Variants in DOLPP1 observed in about 807,000 individuals in gnomAD.
DOLPP1 encodes the protein dolichyl pyrophosphate phosphatase 1.
DOLPP1 carries 15 observed loss-of-function variants against 34.1 expected under a neutral mutation model. That is an observed-to-expected ratio of 0.44 (90% CI 0.29 to 0.68). The LOEUF is 0.68. DOLPP1 is among the 30% of genes least tolerant of loss of function. DOLPP1 has a pLI of 0.12. For missense variants in DOLPP1, 249 were observed against 307.1 expected (o/e 0.81, Z 1.41); for synonymous variants, 130 against 128.2 (o/e 1.01, Z -0.10).
In DOLPP1 at chr9:129,085,134, G is replaced by T; in HGVS notation, c.262+27G>T. On this transcript the variant is annotated intron_variant, in intron 3 of 7. Coordinates refer to ENST00000372546, the MANE Select transcript of DOLPP1 (RefSeq NM_020438.5). This position sits in a 1 kb window ranked among gnomAD's most constrained non-coding sequence, Gnocchi z 7.0. Reference sequence around the variant, plus strand: ...TAGGGCCTCAGCTGCGAGGGCCTGAGGTTCCCCCAGGTTGGGGCGTTACTG... The same window carrying T: ...TAGGGCCTCAGCTGCGAGGGCCTGATGTTCCCCCAGGTTGGGGCGTTACTG... 6.2e-7 allele frequency: 1 copy of T among 1,607,520 alleles called. No individual in the cohort carries two copies. The highest frequency in any genetic ancestry group is 2.2e-5 in the East Asian group (1 of 44,842).
intron 1 of DOLPP1, among the ~76,000 whole-genome samples, chr9:129,082,963 C>A (rs1007627114): frequency 9.2e-5 from 14 of 152,030 alleles, no homozygotes; most frequent in African/African-American, 3.1e-4. Context: ...TTTTTTTTGC[C>A]ACTGTGGTGG....
chr9:129,086,616 C>A, intron 6 of DOLPP1, 93 bp from the exon 7 acceptor site: 1 of 1,312,148 alleles, frequency 7.6e-7, no homozygotes, highest in Non-Finnish European at 1.1e-6. Flanking sequence ...GGGGCGGGTG[C>A]CGTGCCAGCC....
Position 129,086,776 on chromosome 9 carries a change from A to C in DOLPP1, c.658A>C (p.Thr220Pro). The C allele has an allele frequency of 6.2e-7, 1 of 1,613,714 alleles. No individual in the cohort carries two copies. The highest frequency in any genetic ancestry group is 8.5e-7 in the Non-Finnish European group (1 of 1,179,984). The change falls in exon 7 of 8, where the codon ACG becomes CCG. Residue 220 changes from threonine to proline, a missense_variant. By Grantham distance (38) the Thr-to-Pro change is conservative. Transcript: ENST00000372546. ...LIPNVLWFEY[T>P]VTRAEARNRQ... Reference sequence around the variant, plus strand: ...TCCCAACGTACTCTGGTTTGAGTACACGGTAACCCGGGCAGAAGCCAGGTG... The same window carrying C: ...TCCCAACGTACTCTGGTTTGAGTACCCGGTAACCCGGGCAGAAGCCAGGTG...
chr9:129,086,937 A>G (rs972853652), intron 7 of DOLPP1, 139 bp downstream of exon 7: 12 of 683,832 alleles, frequency 1.8e-5, no homozygotes, highest in Middle Eastern at 3.7e-4. Context: ...TGTGACCCCC[A>G]TTTTGCAGAT....
rs371975242 is a variant in DOLPP1, at chr9:129,086,666, A to G, written c.591-43A>G. 105 of 1,579,490 alleles carry G rather than the reference A, an allele frequency of 6.6e-5. No homozygotes were observed. The African/African-American group carries it at 1.1e-3, about 16-fold the overall frequency. ...GGATGGCTGGCATGGTAACAGACTC[A>G]TGCCCTGATGTGCCCCTGGCTCTCT... On this transcript the variant is annotated intron_variant, in intron 6 of 7. Transcript: ENST00000372546.
chr9:129,086,051 C>A, intron 5 of DOLPP1, 88 bp from the exon 6 acceptor site: 1 of 1,331,740 alleles, frequency 7.5e-7, no homozygotes, highest in Admixed American at 1.8e-5. Flanking sequence ...GGGCACAGGT[C>A]CCTGGGAAGC....
chr9:129,081,216 C>G lies in DOLPP1; in HGVS notation c.76+9C>G. ...CGTCGAATATCCTGCAGGTAAAAGG[C>G]GGTCCCGGCTCCAAGGACGCCTTCC... On this transcript the variant is annotated intron_variant, in intron 1 of 7. Coordinates refer to ENST00000372546, the MANE Select transcript of DOLPP1 (RefSeq NM_020438.5). The G allele has an allele frequency of 6.2e-7, 1 of 1,607,904 alleles. No homozygotes were observed. The highest frequency in any genetic ancestry group is 8.5e-7 in the Non-Finnish European group (1 of 1,179,132).
At chr9:129,087,357 C>T (rs1847010118) in intron 7 of DOLPP1, among the ~76,000 whole-genome samples, 1 of 151,122 alleles carries the variant, frequency 6.6e-6, no homozygotes, top group Non-Finnish European at 1.5e-5. Context: ...GCTCTGTCGC[C>T]CAGGCTGGAG....
intron 1 of DOLPP1, among the ~76,000 whole-genome samples, chr9:129,083,468 C>A (rs1846927534): frequency 6.6e-6 from 1 of 152,188 alleles, no homozygotes; most frequent in Admixed American, 6.5e-5. Flanking sequence ...CTCTCCCAGA[C>A]CAACTCCAGG....
Position 129,084,723 on chromosome 9 carries a change from C to A in DOLPP1, c.132C>A (p.Ile44=). The change falls in exon 2 of 8, where the codon ATC becomes ATA. Residue 44 remains isoleucine (I), a synonymous_variant. Transcript: ENST00000372546. ...AYLSLSPVFV[I]VGFVTLIIFK... ...TGAGCCTCAGCCCTGTATTTGTCAT[C>A]GTCGGTTTCGTGACCCTCATCATAT... The A allele has an allele frequency of 6.2e-7, 1 of 1,614,030 alleles. No homozygotes were observed.
At chr9:129,087,608 G>A (rs946257610) in intron 7 of DOLPP1, among the ~76,000 whole-genome samples, 2 of 151,290 alleles carry the variant, frequency 1.3e-5, no homozygotes, top group Non-Finnish European at 3.0e-5. Flanking sequence ...GAGCCACCTC[G>A]CCCGGCCGAA....
intron 5 of DOLPP1, 104 bp from the exon 6 acceptor site, chr9:129,086,035 A>C: frequency 1.7e-6 from 2 of 1,153,432 alleles, no homozygotes; most frequent in South Asian, 2.8e-5. Context: ...GTGTCTCCAC[A>C]TGTGTGGGCA....
Position 129,086,132 on chromosome 9 carries a change from G to C in DOLPP1, c.462-7G>C, listed in dbSNP as rs1416278400. The C allele has an allele frequency of 6.2e-7, 1 of 1,612,696 alleles. No homozygotes were observed. The highest frequency in any genetic ancestry group is 8.5e-7 in the Non-Finnish European group (1 of 1,179,564). ...TCTCACATACTTCGCTTCTGGCCTT[G>C]GCCCAGGGTCTACCTGCTGTACCAC... On this transcript the variant is annotated splice_region_variant and splice_polypyrimidine_tract_variant and intron_variant, in intron 5 of 7. Transcript: ENST00000372546.
In DOLPP1 at chr9:129,089,235, A is replaced by T. The variant is rs1367931844; in HGVS notation, c.*228A>T. The T allele has an allele frequency of 6.2e-6, 3 of 486,662 alleles. No individual in the cohort carries two copies. Among genetic ancestry groups the T allele is most frequent in the Non-Finnish European group, 7.5e-6 (2 of 267,990 alleles). The allele number at this position is 486,662 out of a possible 1,614,324, so 30.1% of individuals were successfully genotyped here. On this transcript the variant is annotated 3_prime_UTR_variant, in exon 8 of 8. Transcript: ENST00000372546. The surrounding 1 kb of genome is among the most constrained non-coding windows in gnomAD (Gnocchi z 4.9). ...TGCTGCCTGGGGGCCGTGGCCAGAG[A>T]CCCTCGCTGTGCTGCTGCCAGCCCC... is the stretch of plus-strand genomic sequence containing the variant.
chr9:129,084,219 G>A (rs532667858), intron 1 of DOLPP1, among the ~76,000 whole-genome samples: 43 of 152,276 alleles, frequency 2.8e-4, no homozygotes, highest in Non-Finnish European at 4.1e-4. Flanking sequence ...TGTGCCTGCC[G>A]GGCTGCCTCC....
chr9:129,086,053 C>G, intron 5 of DOLPP1, 86 bp from the exon 6 acceptor site: 1 of 1,369,688 alleles, frequency 7.3e-7, no homozygotes, highest in Non-Finnish European at 1.0e-6. Context: ...GCACAGGTCC[C>G]TGGGAAGCTG....
intron 1 of DOLPP1, among the ~76,000 whole-genome samples, chr9:129,084,443 A>G (rs1846945936): frequency 6.6e-6 from 1 of 152,248 alleles, no homozygotes; most frequent in Non-Finnish European, 1.5e-5. Flanking sequence ...CACCTGCTTT[A>G]AACGCATGCT....
At chr9:129,086,031 C>G in intron 5 of DOLPP1, 108 bp from the exon 6 acceptor site, 2 of 1,120,268 alleles carry the variant, frequency 1.8e-6, no homozygotes, top group Admixed American at 3.8e-5. Flanking sequence ...GTCTGTGTCT[C>G]CACATGTGTG....
Position 129,089,099 on chromosome 9 carries a change from C to T in DOLPP1, c.*92C>T. The T allele has an allele frequency of 7.6e-7, 1 of 1,322,628 alleles. No homozygotes were observed. Among genetic ancestry groups the T allele is most frequent in the Non-Finnish European group, 1.1e-6 (1 of 927,920 alleles). 81.9% of individuals were successfully genotyped at this position (1,322,628 alleles called of 1,614,324 possible). On this transcript the variant is annotated 3_prime_UTR_variant, in exon 8 of 8. Transcript: ENST00000372546. This position sits in a 1 kb window ranked among gnomAD's most constrained non-coding sequence, Gnocchi z 4.9. ...TGACAGACAGGGACGAAGCAGAGACCTCTACAGACCCAAGTCACCAAGTGG... is the reference window on the plus strand; with the variant it reads ...TGACAGACAGGGACGAAGCAGAGACTTCTACAGACCCAAGTCACCAAGTGG...
Sources: allele counts gnomAD v4.1 joint callset (sites outside exome capture counted in the v4.1 genomes callset), GRCh38; gene constraint gnomAD v4.1.1; non-coding constraint Gnocchi (gnomAD v3.1); transcripts MANE v1.5; gene names NCBI Gene and HGNC (gene_info 2026-07-23, HGNC 2026-07-21).